Variants in RBFOX1 observed in about 807,000 individuals in gnomAD.
The protein encoded by RBFOX1 is RNA binding protein fox-1 homolog 1.
A neutral mutation model predicts 57.7 loss-of-function variants in RBFOX1; 8 were observed. That is an observed-to-expected ratio of 0.14 (90% CI 0.08 to 0.25). The LOEUF is 0.25. Ranked by LOEUF, RBFOX1 falls within the 10% of genes least tolerant of loss-of-function variation. The pLI, the probability that RBFOX1 is intolerant of heterozygous loss-of-function variation, is 1.00. For missense variants in RBFOX1, 611 were observed against 548.5 expected (o/e 1.11, Z -1.14); for synonymous variants, 326 against 222.4 (o/e 1.47, Z -4.15).
intron 4 of RBFOX1, among the ~76,000 whole-genome samples, chr16:7,315,870 T>C (rs2096427113): frequency 6.6e-6 from 1 of 152,214 alleles, no homozygotes; most frequent in African/African-American, 2.4e-5. Flanking sequence ...ATCTGCTCTA[T>C]TGTTTACTTG....
intron 1 of RBFOX1, among the ~76,000 whole-genome samples, chr16:6,166,396 C>G (rs557384773): frequency 6.8e-6 from 1 of 146,200 alleles, no homozygotes; most frequent in Admixed American, 6.8e-5. Context: ...GGCTGTATTC[C>G]TTGGGGCGGG....
At chr16:5,383,516 A>G (rs1012488261) in intron 1 of RBFOX1, among the ~76,000 whole-genome samples, 51 of 152,320 alleles carry the variant, frequency 3.3e-4, no homozygotes, top group African/African-American at 1.2e-3. Flanking sequence ...AATCATATCA[A>G]AGACATAGAA....
At chr16:5,454,932 TTCCTTCCTTCCTTCCTTCCTTCCTTC>T (rs2068565200) in intron 1 of RBFOX1, among the ~76,000 whole-genome samples, 2 of 64,206 alleles carry the variant, frequency 3.1e-5, no homozygotes, top group East Asian at 4.9e-4. Context: ...TCTTTCTTCC[TTCCTTCCTTCCTTCCTTCCTTCCTTC>T]CTTTCTTTCT....
At chr16:6,616,684 C>T (rs1351769326) in intron 2 of RBFOX1, among the ~76,000 whole-genome samples, 2 of 152,204 alleles carry the variant, frequency 1.3e-5, no homozygotes, top group African/African-American at 4.8e-5. Context: ...ATCTACCTGC[C>T]TCTGCCTCCC....
intron 4 of RBFOX1, among the ~76,000 whole-genome samples, chr16:7,143,828 A>T (rs576591856): frequency 6.6e-6 from 1 of 152,014 alleles, no homozygotes; most frequent in Non-Finnish European, 1.5e-5. Flanking sequence ...TATATCTTAC[A>T]GGTAGTACAA....
At chr16:7,206,434 TGTA>T (rs1309764643) in intron 4 of RBFOX1, among the ~76,000 whole-genome samples, 1 of 147,336 alleles carries the variant, frequency 6.8e-6, no homozygotes, top group African/African-American at 2.5e-5. Flanking sequence ...TATACATATA[TGTA>T]TTATATTTCC....
chr16:6,916,552 G>A (rs12919552), intron 3 of RBFOX1, among the ~76,000 whole-genome samples: 41,237 of 151,182 alleles, frequency 0.27, 6,075 homozygotes, highest in African/African-American at 0.39. Context: ...AGATACCACA[G>A]TTTAAGAAAT....
intron 4 of RBFOX1, among the ~76,000 whole-genome samples, chr16:7,404,421 G>C (rs1345729021): frequency 6.6e-6 from 1 of 152,192 alleles, no homozygotes; most frequent in African/African-American, 2.4e-5. Flanking sequence ...CCAAGCTTCT[G>C]ACATCCAGTG....
chr16:6,262,059 G>T (rs1039031286), intron 1 of RBFOX1, among the ~76,000 whole-genome samples: 1 of 151,892 alleles, frequency 6.6e-6, no homozygotes, highest in African/African-American at 2.4e-5. Context: ...AAGAAAGATG[G>T]ATATTTTCTT....
intron 3 of RBFOX1, among the ~76,000 whole-genome samples, chr16:6,725,858 G>C (rs1359862198): frequency 1.3e-5 from 2 of 152,120 alleles, no homozygotes; most frequent in Non-Finnish European, 2.9e-5. Flanking sequence ...TTTTCCAGCA[G>C]TGTTTCTCAT....
At chr16:6,860,692 T>C (rs547179054) in intron 3 of RBFOX1, among the ~76,000 whole-genome samples, 1 of 152,320 alleles carries the variant, frequency 6.6e-6, no homozygotes, top group East Asian at 1.9e-4. Context: ...AAAAGTCATG[T>C]CTGGTGTGTC....
rs934659104 is a variant in RBFOX1, at chr16:7,642,996, A to C, written c.758-10819A>C. 3.9e-5 allele frequency among the ~76,000 whole-genome samples: 6 copies of C among 152,202 alleles called. No homozygotes were observed. In the South Asian group the frequency reaches 8.3e-4, roughly 21 times the overall value. Reference sequence around the variant, plus strand: ...CAAATACCTCTTCTGCATAGTAAAAACATATCACTACACATTTAGCAGCCA... The same window carrying C: ...CAAATACCTCTTCTGCATAGTAAAACCATATCACTACACATTTAGCAGCCA... On this transcript the variant is annotated intron_variant, in intron 11 of 15. Transcript: ENST00000550418.
At chr16:6,769,888 A>G (rs1013002718) in intron 3 of RBFOX1, among the ~76,000 whole-genome samples, 1 of 152,212 alleles carries the variant, frequency 6.6e-6, no homozygotes, top group Admixed American at 6.5e-5. Context: ...TTTGAAATCA[A>G]AGTTCAGATT....
At chr16:6,452,190 C>A (rs1395242660) in intron 2 of RBFOX1, among the ~76,000 whole-genome samples, 1 of 151,072 alleles carries the variant, frequency 6.6e-6, no homozygotes, top group Non-Finnish European at 1.5e-5. Flanking sequence ...TTCCATGACT[C>A]CACCCATGGC....
chr16:6,507,630 C>A (rs185623050), intron 2 of RBFOX1, among the ~76,000 whole-genome samples: 1 of 152,068 alleles, frequency 6.6e-6, no homozygotes, highest in East Asian at 1.9e-4. Context: ...GTGATTGCAC[C>A]ACTGCACTCC....
chr16:7,073,557 A>G (rs2057753278), intron 4 of RBFOX1, among the ~76,000 whole-genome samples: 1 of 152,178 alleles, frequency 6.6e-6, no homozygotes, highest in Admixed American at 6.5e-5. Context: ...AATGATAAAT[A>G]CCATGGCTGG....
intron 3 of RBFOX1, among the ~76,000 whole-genome samples, chr16:6,718,381 G>A (rs1299660866): frequency 1.3e-5 from 2 of 152,158 alleles, no homozygotes; most frequent in Non-Finnish European, 2.9e-5. Flanking sequence ...AGTAACTCTA[G>A]CTGAAAAATA....
At chr16:7,003,323 G>T (rs995115672) in intron 3 of RBFOX1, among the ~76,000 whole-genome samples, 1 of 152,078 alleles carries the variant, frequency 6.6e-6, no homozygotes, top group African/African-American at 2.4e-5. Flanking sequence ...AGCTGGGCGT[G>T]ATGGTGAGCA....
intron 4 of RBFOX1, among the ~76,000 whole-genome samples, chr16:5,975,687 G>A (rs2060048205): frequency 6.6e-6 from 1 of 152,152 alleles, no homozygotes; most frequent in Non-Finnish European, 1.5e-5. Context: ...TGTTGGAGGA[G>A]CTCCTAGCAT....
Sources: gnomAD v4.1 joint callset for allele counts (sites outside exome capture counted in the v4.1 genomes callset) on GRCh38, gnomAD v4.1.1 for gene constraint, MANE v1.5 for transcripts, NCBI Gene and HGNC (gene_info 2026-07-23, HGNC 2026-07-21) for gene names.